Variants in GRID2 observed in about 807,000 individuals in gnomAD.
GRID2 encodes glutamate receptor ionotropic, delta-2.
GRID2 carries 33 observed loss-of-function variants against 114.8 expected under a neutral mutation model. The observed-to-expected ratio is 0.29, with a 90% CI of 0.22 to 0.38. The LOEUF (loss-of-function observed/expected upper bound fraction) is 0.38, where lower values mean the gene tolerates loss of function less well. GRID2 is among the 10% of genes least tolerant of loss of function. The probability of loss-of-function intolerance (pLI) is 1.00; values close to 1 mark genes in which losing one functional copy is unlikely to be tolerated. For synonymous variants in GRID2, 505 were observed against 449.9 expected, an observed-to-expected ratio of 1.12 and a Z score of -1.55; for missense variants, 1,184 against 1,257.7, an observed-to-expected ratio of 0.94 and a Z score of 0.89.
At chr4:92,890,178 G>T (rs571458354) in intron 2 of GRID2, among the ~76,000 whole-genome samples, 1 of 152,126 alleles carries the variant, frequency 6.6e-6, no homozygotes, top group African/African-American at 2.4e-5. Context: ...AGAAAACCTG[G>T]GCAATATCAT....
At chr4:93,722,572 T>C (rs1729479864) in intron 14 of GRID2, among the ~76,000 whole-genome samples, 1 of 152,230 alleles carries the variant, frequency 6.6e-6, no homozygotes, top group Non-Finnish European at 1.5e-5. Context: ...TCTTCATCTA[T>C]ATTAATGGTT....
At chr4:92,412,119 G>C (rs1304677821) in intron 1 of GRID2, among the ~76,000 whole-genome samples, 8 of 147,930 alleles carry the variant, frequency 5.4e-5, no homozygotes, top group Non-Finnish European at 1.5e-5. Flanking sequence ...TTTTGTGCCT[G>C]TGTGTGTGTG....
At chr4:93,252,681 C>A (rs1749101509) in intron 8 of GRID2, among the ~76,000 whole-genome samples, 1 of 152,056 alleles carries the variant, frequency 6.6e-6, no homozygotes, top group Non-Finnish European at 1.5e-5. Context: ...TAATGACATT[C>A]ATTCTTTCTA....
chr4:92,829,404 T>A (rs2149396808), intron 2 of GRID2, among the ~76,000 whole-genome samples: 1 of 152,242 alleles, frequency 6.6e-6, no homozygotes, highest in Middle Eastern at 3.4e-3. Context: ...CTCATGCCAG[T>A]TAGAATGGCA....
intron 2 of GRID2, among the ~76,000 whole-genome samples, chr4:92,969,267 CTTA>C (rs1057328165): frequency 2.6e-5 from 4 of 151,552 alleles, no homozygotes; most frequent in South Asian, 2.1e-4. Context: ...AGATTAAAGT[CTTA>C]TTATAAATAA....
intron 2 of GRID2, among the ~76,000 whole-genome samples, chr4:92,629,792 T>C (rs1730705551): frequency 6.7e-6 from 1 of 148,568 alleles, no homozygotes; most frequent in Non-Finnish European, 1.5e-5. Flanking sequence ...TTTTTTTTTC[T>C]TGTTCTTTAC....
intron 2 of GRID2, among the ~76,000 whole-genome samples, chr4:92,993,667 T>A (rs1387910835): frequency 6.6e-6 from 1 of 152,192 alleles, no homozygotes; most frequent in African/African-American, 2.4e-5. Context: ...ACCCATTGTT[T>A]CCACATAGAT....
intron 2 of GRID2, among the ~76,000 whole-genome samples, chr4:92,667,510 A>G (rs1371836091): frequency 6.6e-6 from 1 of 151,596 alleles, no homozygotes; most frequent in Non-Finnish European, 1.5e-5. Context: ...TACATTTACT[A>G]TTTTCTGTTC....
At position 93,741,960 on chromosome 4, in the gene GRID2, G is replaced by A. The variant is rs547483604; in HGVS notation, c.2361-27250G>A. Among the ~76,000 whole-genome samples, 84 of 149,022 alleles carry A rather than the reference G, an allele frequency of 5.6e-4. 1 individual carries two copies. Among genetic ancestry groups the A allele is most frequent in the Non-Finnish European group, 9.8e-4 (66 of 67,378 alleles). ...AAAAAAAAGTGTTTGTGGTGTGTTT[G>A]TTCATGTGTGGGTGTATAACAGACA... On this transcript the variant is annotated intron_variant, in intron 14 of 15. Transcript: ENST00000282020.
intron 1 of GRID2, among the ~76,000 whole-genome samples, chr4:92,398,048 C>T (rs181233634): frequency 1.3e-5 from 2 of 152,146 alleles, no homozygotes; most frequent in Admixed American, 1.3e-4. Flanking sequence ...TATGCTGGCA[C>T]ACACACACAA....
At chr4:92,721,326 A>T (rs1228128825) in intron 2 of GRID2, among the ~76,000 whole-genome samples, 1 of 152,170 alleles carries the variant, frequency 6.6e-6, no homozygotes, top group African/African-American at 2.4e-5. Flanking sequence ...ATTTTACCAC[A>T]ATAAAAAGTT....
chr4:93,017,883 T>A (rs1015803788), intron 2 of GRID2, among the ~76,000 whole-genome samples: 1 of 111,718 alleles, frequency 9.0e-6, no homozygotes. Flanking sequence ...GACAGTAAGC[T>A]TTTTTTTTTT....
chr4:92,883,551 T>C (rs1181309448), intron 2 of GRID2, among the ~76,000 whole-genome samples: 1 of 152,202 alleles, frequency 6.6e-6, no homozygotes, highest in Non-Finnish European at 1.5e-5. Flanking sequence ...CTATGGTAGC[T>C]AGAGCCTTAA....
chr4:92,513,791 GTAAA>G (rs1391893365), intron 1 of GRID2, among the ~76,000 whole-genome samples: 1 of 151,784 alleles, frequency 6.6e-6, no homozygotes, highest in East Asian at 1.9e-4. Flanking sequence ...GAGTTGAAGG[GTAAA>G]TAAATGAATG....
intron 1 of GRID2, among the ~76,000 whole-genome samples, chr4:92,357,323 G>C (rs555746779): frequency 2.8e-4 from 42 of 151,770 alleles, no homozygotes; most frequent in Non-Finnish European, 5.2e-4. Flanking sequence ...ATTCAAGCTA[G>C]AGTTTAAGTA....
intron 1 of GRID2, among the ~76,000 whole-genome samples, chr4:93,786,887 A>G (rs1004629296): frequency 1.3e-5 from 2 of 152,184 alleles, no homozygotes; most frequent in African/African-American, 4.8e-5. Flanking sequence ...TTGTAGAGTA[A>G]GCAGTAAAAT....
chr4:93,721,692 A>C (rs1232659791), intron 14 of GRID2, among the ~76,000 whole-genome samples: 1 of 152,114 alleles, frequency 6.6e-6, no homozygotes, highest in East Asian at 1.9e-4. Context: ...AATGCAATAA[A>C]AGTTAGTTGC....
At chr4:93,364,208 C>T (rs1175886420) in intron 8 of GRID2, among the ~76,000 whole-genome samples, 1 of 151,952 alleles carries the variant, frequency 6.6e-6, no homozygotes, top group African/African-American at 2.4e-5. Flanking sequence ...GAAACTAGTG[C>T]TATTTTTATT....
At chr4:92,570,899 A>T (rs1463772353) in intron 1 of GRID2, among the ~76,000 whole-genome samples, 3 of 152,082 alleles carry the variant, frequency 2.0e-5, no homozygotes, top group African/African-American at 7.2e-5. Flanking sequence ...GCAAACAAGG[A>T]TATTTTGACT....
Sources: gnomAD v4.1 joint callset for allele counts (sites outside exome capture counted in the v4.1 genomes callset) on GRCh38, gnomAD v4.1.1 for gene constraint, MANE v1.5 for transcripts, NCBI Gene and HGNC (gene_info 2026-07-23, HGNC 2026-07-21) for gene names.